The following TOP2A variants were observed in gnomAD, a reference collection of about 807,000 sequenced individuals.
TOP2A encodes DNA topoisomerase II alpha, also known as DNA topoisomerase 2-alpha.
TOP2A carries 68 observed loss-of-function variants against 187.2 expected under a neutral mutation model. The observed-to-expected ratio is 0.36, with a 90% CI of 0.30 to 0.44. TOP2A has a LOEUF of 0.44. Ranked by LOEUF, TOP2A falls within the 20% of genes least tolerant of loss-of-function variation. The pLI is 1.00. For synonymous variants in TOP2A, 542 were observed against 593.2 expected (o/e 0.91, Z 1.25); for missense variants, 1,196 against 1,808.7 (o/e 0.66, Z 6.14).
chr17:40,392,187 T>A lies in TOP2A; in HGVS notation c.4088+31A>T, dbSNP rs541638483. On this transcript the variant is annotated intron_variant, in intron 31 of 34. Transcript: ENST00000423485. ...AAAAACAATATATTAGAAACAATCA[T>A]GACAAAACCCATATTAGATAAGATA... 88 of 1,612,492 alleles carry A rather than the reference T, an allele frequency of 5.5e-5. No homozygotes were observed. In the East Asian group the frequency reaches 1.8e-3, roughly 32 times the overall value.
At chr17:40,406,996 G>GCTAA in intron 13 of TOP2A, 54 bp from the exon 14 acceptor site, 1 of 1,389,206 alleles carries the variant, frequency 7.2e-7, no homozygotes, top group Non-Finnish European at 1.0e-6. Flanking sequence ...GGGCGTGGTA[G>GCTAA]CTAACATCTG....
At chr17:40,405,701 C>T (rs141992557) in intron 16 of TOP2A, among the ~76,000 whole-genome samples, 332 of 151,878 alleles carry the variant, frequency 2.2e-3, no homozygotes, top group African/African-American at 7.4e-3. Context: ...CATCTCATGA[C>T]GTTGTGATCT....
intron 34 of TOP2A, 61 bp downstream of exon 34, chr17:40,389,904 T>C: frequency 1.3e-6 from 2 of 1,491,472 alleles, no homozygotes; most frequent in Non-Finnish European, 1.8e-6. Flanking sequence ...TTAAGAGCAA[T>C]GGCTTAGTTA....
At chr17:40,409,645 G>C (rs145239164) in intron 10 of TOP2A, 1 of 260,964 alleles carries the variant, frequency 3.8e-6, no homozygotes, top group African/African-American at 2.3e-5. Context: ...TGTAATCCCC[G>C]CTACTCAGGA....
chr17:40,404,695 C>T, intron 17 of TOP2A, 96 bp downstream of exon 17: 2 of 887,808 alleles, frequency 2.3e-6, no homozygotes, highest in South Asian at 3.2e-5. Flanking sequence ...AAATTTTTTA[C>T]TAAAATAACT....
At chr17:40,416,594 T>G in intron 2 of TOP2A, 82 bp from the exon 3 acceptor site, 1 of 1,421,602 alleles carries the variant, frequency 7.0e-7, no homozygotes, top group Non-Finnish European at 9.9e-7. Context: ...AGTGTTCATA[T>G]TAAGTATTAC....
At chr17:40,391,740 T>C in intron 32 of TOP2A, 100 bp from the exon 33 acceptor site, 1 of 1,209,816 alleles carries the variant, frequency 8.3e-7, no homozygotes, top group Non-Finnish European at 1.1e-6. Context: ...AAACACCAAA[T>C]ATGTGACTTT....
At chr17:40,407,050 G>C (rs1340626885) in intron 13 of TOP2A, 108 bp from the exon 14 acceptor site, 6 of 810,586 alleles carry the variant, frequency 7.4e-6, no homozygotes, top group Non-Finnish European at 1.2e-5. Flanking sequence ...GATCGCCTGA[G>C]GTCAGGCGTT....
chr17:40,410,274 G>A (rs1209696346), intron 10 of TOP2A, among the ~76,000 whole-genome samples: 1 of 152,182 alleles, frequency 6.6e-6, no homozygotes, highest in East Asian at 1.9e-4. Context: ...TGTATTTCAT[G>A]CAGAGGGATT....
intron 4 of TOP2A, among the ~76,000 whole-genome samples, chr17:40,414,356 C>A (rs1030499002): frequency 2.0e-5 from 3 of 152,122 alleles, no homozygotes; most frequent in Non-Finnish European, 4.4e-5. Context: ...CATCACCACA[C>A]CTGGCTAATT....
intron 10 of TOP2A, chr17:40,410,155 ATAAGG>A (rs1269853358): frequency 5.9e-6 from 1 of 168,402 alleles, no homozygotes; most frequent in African/African-American, 2.4e-5. Context: ...AAGTTTGCTA[ATAAGG>A]TATGTTCAAT....
intron 33 of TOP2A, chr17:40,391,259 A>C: frequency 2.6e-6 from 1 of 382,778 alleles, no homozygotes; most frequent in Non-Finnish European, 4.7e-6. Context: ...CAGTAGTGAG[A>C]AGGAGGGAAA....
At chr17:40,404,965 A>C in intron 16 of TOP2A, 82 bp from the exon 17 acceptor site, 1 of 826,382 alleles carries the variant, frequency 1.2e-6, no homozygotes, top group Non-Finnish European at 1.9e-6. Flanking sequence ...AGAACGAACA[A>C]CAGAAAAACA....
chr17:40,400,680 A>C lies in TOP2A; in HGVS notation c.2665-17T>G. Reference sequence around the variant, plus strand: ...ACTTGGAAGCTAAATTGGCATTTAAAAAAACAGTATGTTTTCTAAATGTGA... The same window carrying C: ...ACTTGGAAGCTAAATTGGCATTTAACAAAACAGTATGTTTTCTAAATGTGA... On this transcript the variant is annotated splice_polypyrimidine_tract_variant and intron_variant, in intron 21 of 34. Coordinates refer to ENST00000423485, the MANE Select transcript of TOP2A (RefSeq NM_001067.4). 6.3e-7 allele frequency: 1 copy of C among 1,584,904 alleles called. No individual in the cohort carries two copies. The highest frequency in any genetic ancestry group is 8.6e-7 in the Non-Finnish European group (1 of 1,168,148).
At chr17:40,397,498 C>T (rs919436944) in intron 27 of TOP2A, among the ~76,000 whole-genome samples, 3 of 151,962 alleles carry the variant, frequency 2.0e-5, no homozygotes, top group Non-Finnish European at 4.4e-5. Context: ...GTTGTCCAGG[C>T]TGGTCTCGAA....
intron 16 of TOP2A, 107 bp from the exon 17 acceptor site, chr17:40,404,990 C>CTTT (rs1265795492): frequency 1.3e-4 from 73 of 544,304 alleles, no homozygotes; most frequent in African/African-American, 1.9e-4. Context: ...TACTGTTTTC[C>CTTT]TTTTTTTTTT....
At position 40,389,773 on chromosome 17, in the gene TOP2A, A is replaced by C. The variant is rs75106179; in HGVS notation, c.4468-126T>G. On this transcript the variant is annotated intron_variant, in intron 34 of 34. Transcript: ENST00000423485. ...TTTTCTACCAAGTAATAAGAAGCAG[A>C]TCTAAGGCCAACTCTTCCATTGCCC... The C allele has an allele frequency of 1.0e-3, 1,359 of 1,332,370 alleles. 13 individuals are homozygous for C. The African/African-American group carries it at 0.019, about 18-fold the overall frequency. The allele number at this position is 1,332,370 out of a possible 1,614,324, so 82.5% of individuals were successfully genotyped here.
chr17:40,397,354 C>T (rs1008644819), intron 27 of TOP2A, among the ~76,000 whole-genome samples: 3 of 148,584 alleles, frequency 2.0e-5, no homozygotes, highest in African/African-American at 7.5e-5. Context: ...GGCGCAATCT[C>T]GGCTCACTGC....
chr17:40,389,757 A>G, intron 34 of TOP2A, 110 bp from the exon 35 acceptor site: 4 of 1,396,212 alleles, frequency 2.9e-6, no homozygotes, highest in Non-Finnish European at 3.8e-6. Context: ...ATTTTCTACC[A>G]AGTAATAAGA....
Sources: gnomAD v4.1 joint callset for allele counts (sites outside exome capture counted in the v4.1 genomes callset) on GRCh38, gnomAD v4.1.1 for gene constraint, MANE v1.5 for transcripts, NCBI Gene and HGNC (gene_info 2026-07-23, HGNC 2026-07-21) for gene names.